Variants in CEP290 observed in about 807,000 individuals in gnomAD.
The protein encoded by CEP290 is centrosomal protein 290, also known as centrosomal protein of 290 kDa.
Under a neutral mutation model 344.9 loss-of-function variants are expected in CEP290, and 317 were observed. The observed-to-expected ratio is 0.92, with a 90% CI of 0.84 to 1.01. The LOEUF is 1.01. Ranked by LOEUF, CEP290 falls within the 50% of genes least tolerant of loss-of-function variation. CEP290 has a pLI of 0.00. For missense variants in CEP290, 2,754 were observed against 2,761.4 expected (o/e 1.00, Z 0.06); for synonymous variants, 932 against 895.8 (o/e 1.04, Z -0.72).
chr12:88,120,645 G>A (rs546881400), intron 14 of CEP290, among the ~76,000 whole-genome samples: 103 of 152,282 alleles, frequency 6.8e-4, no homozygotes, highest in African/African-American at 2.3e-3. Context: ...AAAAAGTGGA[G>A]AGCAGGTTGT....
chr12:88,124,546 TAC>T (rs531924313), intron 13 of CEP290, among the ~76,000 whole-genome samples: 5 of 151,898 alleles, frequency 3.3e-5, no homozygotes, highest in African/African-American at 4.8e-5. Flanking sequence ...TATATATATA[TAC>T]ACACACACAT....
In CEP290 at chr12:88,127,871, T is replaced by G. The variant is rs910357607; in HGVS notation, c.942+1075A>C. On this transcript the variant is annotated intron_variant, in intron 11 of 53. Transcript: ENST00000552810. ...ATAAAAAGAAAAATTACATAGCCTT[T>G]AAAAAGAACAGCAATACTATACGTA... is the stretch of plus-strand genomic sequence containing the variant. 2.0e-5 allele frequency among the ~76,000 whole-genome samples: 3 copies of G among 152,138 alleles called. No homozygotes were observed. In the East Asian group the frequency reaches 5.8e-4, roughly 29 times the overall value.
chr12:88,111,076 C>T, intron 22 of CEP290, 126 bp downstream of exon 22: 1 of 499,556 alleles, frequency 2.0e-6, no homozygotes, highest in Non-Finnish European at 3.3e-6. Context: ...GTACTATCTG[C>T]ATGCTTTGGT....
At chr12:88,061,509 A>C (rs955065260) in intron 46 of CEP290, among the ~76,000 whole-genome samples, 19 of 152,328 alleles carry the variant, frequency 1.2e-4, no homozygotes, top group African/African-American at 4.3e-4. Flanking sequence ...TAAATATATC[A>C]GCAGAGATGA....
At chr12:88,069,263 C>G (rs1018225472) in intron 43 of CEP290, among the ~76,000 whole-genome samples, 2 of 152,078 alleles carry the variant, frequency 1.3e-5, no homozygotes, top group Non-Finnish European at 2.9e-5. Context: ...TATGCCCCTC[C>G]TCTTTAATAT....
At position 88,089,315 on chromosome 12, in the gene CEP290, A is replaced by G; in HGVS notation, c.3746T>C (p.Leu1249Pro). ...TCTTCCCTCCAAACGAGCATAATAG[A>G]GAGCCTGTTCTTTTTCATCAAGTTT... ...EQKLDEKEQALYYARLEGRNR... is the reference protein window; with the variant it reads ...EQKLDEKEQAPYYARLEGRNR... The change falls in exon 31 of 54, where the codon CTC becomes CCC. Residue 1249 changes from leucine (L) to proline (P), a missense_variant. Coordinates refer to ENST00000552810, the MANE Select transcript of CEP290 (RefSeq NM_025114.4). 6.2e-7 allele frequency: 1 copy of G among 1,613,974 alleles called. No homozygotes were observed. Among genetic ancestry groups the G allele is most frequent in the Non-Finnish European group, 8.5e-7 (1 of 1,179,896 alleles).
chr12:88,063,846 G>A (rs1385568669), intron 45 of CEP290, 135 bp downstream of exon 45: 35 of 700,794 alleles, frequency 5.0e-5, no homozygotes, highest in Non-Finnish European at 7.6e-5. Flanking sequence ...AAGAGCAAAT[G>A]TATAAAGTAT....
Position 88,077,799 on chromosome 12 carries a change from C to A in CEP290, c.5484G>T (p.Lys1828Asn). ...GTATTTTATTATAGGCTTTTTGTTT[C>A]TTTTGCAGTTCATTATTTAAGTCAT... Reference protein sequence around the residue: ...NLNDLNNELQKKQKAYNKILR... With the variant: ...NLNDLNNELQNKQKAYNKILR... Residue 1828 changes from lysine (K) to asparagine (N), a missense_variant, in exon 40 of 54, where the codon AAG becomes AAT. Physicochemically the swap from Lys to Asn is moderately conservative, Grantham distance 94. Coordinates refer to ENST00000552810, the MANE Select transcript of CEP290 (RefSeq NM_025114.4). The A allele has an allele frequency of 6.4e-7, 1 of 1,555,742 alleles. No homozygotes were observed. The highest frequency in any genetic ancestry group is 8.8e-7 in the Non-Finnish European group (1 of 1,140,864).
intron 38 of CEP290, among the ~76,000 whole-genome samples, chr12:88,079,735 T>G (rs2036051586): frequency 6.6e-6 from 1 of 152,164 alleles, no homozygotes; most frequent in South Asian, 2.1e-4. Context: ...CAGAATACAC[T>G]GACCAACTCC....
intron 44 of CEP290, 134 bp from the exon 45 acceptor site, chr12:88,064,249 G>T: frequency 1.5e-6 from 1 of 669,916 alleles, no homozygotes; most frequent in Non-Finnish European, 2.4e-6. Flanking sequence ...GGAGTGTTCT[G>T]GTGAAAGCCA....
Position 88,059,950 on chromosome 12 carries a change from C to A in CEP290, c.6593G>T (p.Gly2198Val). 6.3e-7 allele frequency: 1 copy of A among 1,591,076 alleles called. No homozygotes were observed. ...LSMHYESKTKGTEKIIAENER... is the reference protein window; with the variant it reads ...LSMHYESKTKVTEKIIAENER... ...ATTTTCAGCAATAATTTTTTCTGTG[C>A]CTTTGGTCTTGGATTCATAGTGCAT... Residue 2198 changes from glycine to valine, a missense_variant, in exon 48 of 54, where the codon GGC becomes GTC. By Grantham distance (109) the Gly-to-Val change is moderately radical. Coordinates refer to ENST00000552810, the MANE Select transcript of CEP290 (RefSeq NM_025114.4).
chr12:88,060,598 T>C (rs1285405245), intron 47 of CEP290, among the ~76,000 whole-genome samples: 1 of 152,008 alleles, frequency 6.6e-6, no homozygotes, highest in Admixed American at 6.6e-5. Context: ...AATTAATCTA[T>C]GCTGTCAGAG....
intron 48 of CEP290, among the ~76,000 whole-genome samples, chr12:88,059,285 A>G (rs1328301875): frequency 5.3e-5 from 8 of 152,212 alleles, no homozygotes; most frequent in Admixed American, 3.3e-4. Flanking sequence ...TTGTTCCTCT[A>G]TATTTTTAGA....
chr12:88,107,611 C>CAA (rs1202005069), intron 23 of CEP290, among the ~76,000 whole-genome samples: 3 of 119,952 alleles, frequency 2.5e-5, no homozygotes, highest in Admixed American at 1.7e-4. Flanking sequence ...GTTCTTAGTG[C>CAA]AAAAAAAAAA....
In CEP290 at chr12:88,092,664, T is replaced by C. The variant is rs749524009; in HGVS notation, c.3461+17A>G. On this transcript the variant is annotated intron_variant, in intron 29 of 53. Coordinates refer to ENST00000552810, the MANE Select transcript of CEP290 (RefSeq NM_025114.4). The stretch of plus-strand genomic sequence containing the variant: ...GATACATCTAGTCAAATGGCTAAAA[T>C]GCTTATATGCACTTACTTTGACACT... 1.3e-6 allele frequency: 2 copies of C among 1,589,658 alleles called. No individual in the cohort carries two copies. Among genetic ancestry groups the C allele is most frequent in the South Asian group, 2.3e-5 (2 of 86,390 alleles).
intron 37 of CEP290, 66 bp from the exon 38 acceptor site, chr12:88,080,461 A>T (rs2036119973): frequency 8.5e-7 from 1 of 1,181,172 alleles, no homozygotes. Context: ...ACCCAGTCTC[A>T]CTCTGTCACC....
At position 88,060,888 on chromosome 12, in the gene CEP290, G is replaced by A. The variant is rs770448341; in HGVS notation, c.6464C>T (p.Ser2155Leu). ...QRENEQLKKA[S>L]GILTSEKMAN... is the part of the protein sequence containing the mutation. ...CATTTTTTCACTAGTCAATATTCCT[G>A]ATGCTTTTTTCAACTGTTCATTTTC... is the stretch of plus-strand genomic sequence containing the variant. The change falls in exon 47 of 54, where the codon TCA becomes TTA. Residue 2155 changes from serine (S) to leucine (L), a missense_variant. By Grantham distance (145) the Ser-to-Leu change is moderately radical. Transcript: ENST00000552810. 1.3e-6 allele frequency: 2 copies of A among 1,540,060 alleles called. No individual in the cohort carries two copies. Among genetic ancestry groups the A allele is most frequent in the Non-Finnish European group, 1.7e-6 (2 of 1,143,168 alleles).
intron 53 of CEP290, 56 bp downstream of exon 53, chr12:88,050,298 A>G (rs1167795338): frequency 3.6e-6 from 3 of 829,270 alleles, no homozygotes; most frequent in Non-Finnish European, 5.9e-6. Flanking sequence ...TGGTAATGAA[A>G]ATAGTTTTCA....
In CEP290 at chr12:88,083,152, C is replaced by A. The variant is rs868584078; in HGVS notation, c.4891G>T (p.Ala1631Ser). 6.4e-7 allele frequency: 1 copy of A among 1,556,520 alleles called. No individual in the cohort carries two copies. Among genetic ancestry groups the A allele is most frequent in the East Asian group, 2.4e-5 (1 of 42,048 alleles). Residue 1631 changes from alanine to serine, a missense_variant, in exon 37 of 54, where the codon GCA becomes TCA. Ala to Ser is a moderately conservative substitution (Grantham distance 99). Transcript: ENST00000552810. ...GAGGAAAGAGAGTCATCTTGTTCTG[C>A]TACTGTCTGTTCCATCTCAGCCAGA... ...IRLAEMEQTVAEQDDSLSSLL... is the reference protein window; with the variant it reads ...IRLAEMEQTVSEQDDSLSSLL...
Sources: allele counts gnomAD v4.1 joint callset (sites outside exome capture counted in the v4.1 genomes callset), GRCh38; gene constraint gnomAD v4.1.1; transcripts MANE v1.5; gene names NCBI Gene and HGNC (gene_info 2026-07-23, HGNC 2026-07-21).